MAN1C1: variants seen among roughly 807,000 people sequenced by gnomAD.
The protein encoded by MAN1C1 is mannosidase alpha class 1C member 1.
A neutral mutation model predicts 71.5 loss-of-function variants in MAN1C1; 49 were observed. The observed-to-expected ratio is 0.69, with a 90% CI of 0.54 to 0.87. The LOEUF (loss-of-function observed/expected upper bound fraction) is 0.87, where lower values mean the gene tolerates loss of function less well. MAN1C1 is among the 40% of genes least tolerant of loss of function. The pLI, the probability that MAN1C1 is intolerant of heterozygous loss-of-function variation, is 0.00. For missense variants in MAN1C1, 743 were observed against 835.0 expected (o/e 0.89, Z 1.36); for synonymous variants, 352 against 343.7 (o/e 1.02, Z -0.27).
intron 2 of MAN1C1, among the ~76,000 whole-genome samples, chr1:25,717,575 C>CTTTTTTTTTT (rs1023005252): frequency 7.4e-6 from 1 of 135,580 alleles, no homozygotes; most frequent in East Asian, 2.1e-4. Flanking sequence ...TACCATTTTC[C>CTTTTTTTTTT]TTTTTTTTTT....
chr1:25,713,300 A>C (rs559664625), intron 2 of MAN1C1, among the ~76,000 whole-genome samples: 2 of 152,062 alleles, frequency 1.3e-5, no homozygotes, highest in African/African-American at 4.8e-5. Flanking sequence ...ACCACATTGC[A>C]CCCTCATCAC....
At chr1:25,630,805 T>C (rs889737948) in intron 1 of MAN1C1, among the ~76,000 whole-genome samples, 1 of 152,184 alleles carries the variant, frequency 6.6e-6, no homozygotes, top group African/African-American at 2.4e-5. Context: ...TAAGAGTCTT[T>C]TGGAGGAATC....
intron 2 of MAN1C1, among the ~76,000 whole-genome samples, chr1:25,740,749 T>A (rs1003777742): frequency 1.3e-5 from 2 of 151,916 alleles, no homozygotes; most frequent in East Asian, 2.0e-4. Context: ...TTGAATTTTT[T>A]AAAAAATCTC....
At chr1:25,659,940 T>G (rs2045822675) in intron 1 of MAN1C1, among the ~76,000 whole-genome samples, 2 of 152,310 alleles carry the variant, frequency 1.3e-5, no homozygotes, top group East Asian at 3.9e-4. Flanking sequence ...CCACACCAAA[T>G]CCATGTTCAG....
chr1:25,686,326 T>C, intron 1 of MAN1C1, 114 bp from the exon 2 acceptor site: 1 of 836,864 alleles, frequency 1.2e-6, no homozygotes, highest in South Asian at 1.6e-5. Flanking sequence ...TTGGAAAATT[T>C]GGAAGGTTAT....
At chr1:25,709,498 C>T (rs1395835314) in intron 2 of MAN1C1, 2 of 152,276 alleles carry the variant, frequency 1.3e-5, no homozygotes, top group African/African-American at 4.8e-5. Context: ...CCTAACTCTC[C>T]AGCTCCAAAG....
rs2045425717 is a variant in MAN1C1, at chr1:25,634,272, A to G, written c.540+15935A>G. 6.6e-6 allele frequency among the ~76,000 whole-genome samples: 1 copy of G among 152,214 alleles called. No homozygotes were observed. On this transcript the variant is annotated intron_variant, in intron 1 of 11. Transcript: ENST00000374332. The surrounding 1 kb of genome is among the most constrained non-coding windows in gnomAD (Gnocchi z 4.6). ...GACTTCCAGTTCAATGTTAAAAAGA[A>G]GTAGTGAGAACTGACATCTTTGCCT...
chr1:25,766,930 G>T (rs1180032215), intron 7 of MAN1C1, among the ~76,000 whole-genome samples: 1 of 151,986 alleles, frequency 6.6e-6, no homozygotes, highest in Non-Finnish European at 1.5e-5. Context: ...CTGCTGCCAG[G>T]TGTGACGAGC....
At chr1:25,686,573 C>G in intron 2 of MAN1C1, 37 bp downstream of exon 2, 1 of 1,565,398 alleles carries the variant, frequency 6.4e-7, no homozygotes, top group Non-Finnish European at 8.8e-7. Context: ...TTGGGAGGGA[C>G]CCACCGCCCC....
intron 2 of MAN1C1, among the ~76,000 whole-genome samples, chr1:25,712,159 T>C (rs2046621360): frequency 6.6e-6 from 1 of 152,208 alleles, no homozygotes; most frequent in Non-Finnish European, 1.5e-5. Context: ...GAATGAATCT[T>C]GTGGAAAGTA....
chr1:25,769,466 G>A lies in MAN1C1; in HGVS notation c.1142-2191G>A, dbSNP rs1167701509. The stretch of plus-strand genomic sequence containing the variant: ...GATGCCCACATAAGTGCCCCTGAGA[G>A]GCAGCTGCATCTCAACACCGCGGAC... On this transcript the variant is annotated intron_variant, in intron 7 of 11. Transcript: ENST00000374332. This position sits in a 1 kb window ranked among gnomAD's most constrained non-coding sequence, Gnocchi z 4.8. Among the ~76,000 whole-genome samples the A allele has an allele frequency of 6.6e-6, 1 of 152,068 alleles. No homozygotes were observed. The highest frequency in any genetic ancestry group is 1.5e-5 in the Non-Finnish European group (1 of 67,988).
intron 1 of MAN1C1, among the ~76,000 whole-genome samples, chr1:25,674,378 T>G (rs969136025): frequency 3.3e-5 from 5 of 152,224 alleles, no homozygotes; most frequent in African/African-American, 4.8e-5. Context: ...AAAGTCTCTA[T>G]GTGCTGGGTA....
chr1:25,731,220 G>T (rs1047401579), intron 2 of MAN1C1, among the ~76,000 whole-genome samples: 4 of 152,192 alleles, frequency 2.6e-5, no homozygotes, highest in Admixed American at 2.6e-4. Flanking sequence ...GAGGTGGGAG[G>T]ATCACGTGAG....
At chr1:25,636,418 G>A (rs1301114735) in intron 1 of MAN1C1, among the ~76,000 whole-genome samples, 2 of 151,962 alleles carry the variant, frequency 1.3e-5, no homozygotes, top group Admixed American at 1.3e-4. Flanking sequence ...CCTTCCCCAG[G>A]GTATTAATTA....
In MAN1C1 at chr1:25,711,166, A is replaced by C. The variant is rs1311519153; in HGVS notation, c.637+24630A>C. ...AGGGTCCAAAAGAACAGACAGAAGC[A>C]CACAGTCTCTTAAGACCTAGGCTCA... On this transcript the variant is annotated intron_variant, in intron 2 of 11. Transcript: ENST00000374332. This position sits in a 1 kb window ranked among gnomAD's most constrained non-coding sequence, Gnocchi z 4.3. 5.9e-5 allele frequency among the ~76,000 whole-genome samples: 9 copies of C among 152,212 alleles called. No individual in the cohort carries two copies. Among genetic ancestry groups the C allele is most frequent in the Admixed American group, 5.9e-4 (9 of 15,286 alleles).
At position 25,753,874 on chromosome 1, in the gene MAN1C1, T is replaced by C. The variant is rs2047250346; in HGVS notation, c.929+296T>C. On this transcript the variant is annotated intron_variant, in intron 5 of 11. Coordinates refer to ENST00000374332, the MANE Select transcript of MAN1C1 (RefSeq NM_020379.4). This position sits in a 1 kb window ranked among gnomAD's most constrained non-coding sequence, Gnocchi z 4.9. ...CCTGGGTGTCAGGGTTTAGTCCACA[T>C]AAGCCTGAGCCTCCTGGGGTGGGCG... Among the ~76,000 whole-genome samples, 1 of 152,136 alleles carries C rather than the reference T, an allele frequency of 6.6e-6. No homozygotes were observed.
At chr1:25,706,929 C>A (rs2046531556) in intron 2 of MAN1C1, among the ~76,000 whole-genome samples, 1 of 152,190 alleles carries the variant, frequency 6.6e-6, no homozygotes, top group Non-Finnish European at 1.5e-5. Context: ...ATAGGGCATA[C>A]CATCTCCAAG....
chr1:25,767,824 C>T (rs2047463715), intron 7 of MAN1C1, among the ~76,000 whole-genome samples: 1 of 142,082 alleles, frequency 7.0e-6, no homozygotes, highest in Non-Finnish European at 1.5e-5. Context: ...ATCCACACTC[C>T]CCTCACACAC....
At chr1:25,758,486 T>C (rs897528955) in intron 5 of MAN1C1, 106 bp from the exon 6 acceptor site, 6 of 911,968 alleles carry the variant, frequency 6.6e-6, no homozygotes, top group African/African-American at 6.5e-5. Context: ...CCTGGTTCCA[T>C]GCCTGTCACA....
Sources: gnomAD v4.1 joint callset for allele counts (sites outside exome capture counted in the v4.1 genomes callset) on GRCh38, gnomAD v4.1.1 for gene constraint, Gnocchi (gnomAD v3.1) non-coding constraint, MANE v1.5 for transcripts, NCBI Gene and HGNC (gene_info 2026-07-23, HGNC 2026-07-21) for gene names.